PCCA: variants seen among roughly 807,000 people sequenced by gnomAD.
PCCA encodes the protein propionyl-CoA carboxylase alpha chain, mitochondrial.
In PCCA, 74 loss-of-function variants were observed where a neutral mutation model predicts 101.3. The ratio of observed to expected loss-of-function variants is 0.73; its 90% CI spans 0.61 to 0.89. PCCA has a LOEUF of 0.89. Among genes scored for constraint, PCCA ranks in the 40% least tolerant of loss-of-function variants. The pLI, the probability that PCCA is intolerant of heterozygous loss-of-function variation, is 0.00. For missense variants in PCCA, 891 were observed against 907.0 expected (o/e 0.98, Z 0.23); for synonymous variants, 294 against 313.6 (o/e 0.94, Z 0.66).
chr13:100,173,206 T>A (rs1490726474), intron 6 of PCCA, among the ~76,000 whole-genome samples: 1 of 152,076 alleles, frequency 6.6e-6, no homozygotes, highest in East Asian at 1.9e-4. Context: ...AGAAAGAGAA[T>A]AGTGGAAGCA....
At chr13:100,358,309 C>T (rs1404349047) in intron 18 of PCCA, among the ~76,000 whole-genome samples, 3 of 152,126 alleles carry the variant, frequency 2.0e-5, no homozygotes, top group Admixed American at 1.3e-4. Flanking sequence ...ACAACATCTC[C>T]ACAATACAGT....
chr13:100,515,492 T>C lies in PCCA; in HGVS notation c.1965T>C (p.Thr655=). ...ACAAATTTATGCTGGAAAAAGTGAC[T>C]GAGGACACAAGCAGTGTTCTGCGTT... The part of the protein sequence containing the change: ...ELNKFMLEKV[T]EDTSSVLRSP... Residue 655 remains threonine, a synonymous_variant, in exon 22 of 24, where the codon ACT becomes ACC. Coordinates refer to ENST00000376285, the MANE Select transcript of PCCA (RefSeq NM_000282.4). 1 of 1,614,152 alleles carries C rather than the reference T, an allele frequency of 6.2e-7. No homozygotes were observed. The highest frequency in any genetic ancestry group is 8.5e-7 in the Non-Finnish European group (1 of 1,179,984).
chr13:100,200,880 A>G (rs1424041683), intron 6 of PCCA, among the ~76,000 whole-genome samples: 1 of 152,082 alleles, frequency 6.6e-6, no homozygotes, highest in Non-Finnish European at 1.5e-5. Flanking sequence ...GTTCATAGCA[A>G]TATTTTCCAT....
intron 7 of PCCA, among the ~76,000 whole-genome samples, chr13:100,230,605 G>A (rs1020171275): frequency 6.6e-6 from 1 of 151,556 alleles, no homozygotes; most frequent in Non-Finnish European, 1.5e-5. Context: ...CTGGACTCTG[G>A]GAGGAAATGG....
intron 23 of PCCA, among the ~76,000 whole-genome samples, chr13:100,528,997 G>T (rs2088128583): frequency 1.3e-5 from 2 of 152,112 alleles, no homozygotes; most frequent in South Asian, 4.2e-4. Context: ...TTCCCTGAAG[G>T]GGCATGGTGC....
chr13:100,123,812 T>C (rs1249059682), intron 4 of PCCA, among the ~76,000 whole-genome samples: 4 of 152,176 alleles, frequency 2.6e-5, no homozygotes, highest in Non-Finnish European at 5.9e-5. Context: ...GGGAGGATTT[T>C]TGAGTTGTTA....
chr13:100,273,312 A>T lies in PCCA; in HGVS notation c.1031A>T (p.Asn344Ile). The T allele has an allele frequency of 1.9e-6, 3 of 1,613,242 alleles. No individual in the cohort carries two copies. The highest frequency in any genetic ancestry group is 2.5e-6 in the Non-Finnish European group (3 of 1,179,204). Residue 344 changes from asparagine (N) to isoleucine (I), a missense_variant, in exon 12 of 24, where the codon AAT becomes ATT. Coordinates refer to ENST00000376285, the MANE Select transcript of PCCA (RefSeq NM_000282.4). ...GAGTTCCTTGTGGACTCTAAGAAGA[A>T]TTTTTATTTCTTGGAAATGAATACA... ...TVEFLVDSKK[N>I]FYFLEMNTRL... is the part of the protein sequence containing the mutation.
chr13:100,243,176 G>A (rs1458153495), intron 8 of PCCA, among the ~76,000 whole-genome samples: 3 of 152,190 alleles, frequency 2.0e-5, no homozygotes, highest in Non-Finnish European at 2.9e-5. Context: ...GATTACAAGT[G>A]TAAGCCACCA....
chr13:100,294,141 G>C (rs149038460), intron 12 of PCCA, among the ~76,000 whole-genome samples: 1 of 152,170 alleles, frequency 6.6e-6, no homozygotes, highest in African/African-American at 2.4e-5. Context: ...TCCACTCCCT[G>C]TGTCTTCCTG....
Position 100,283,271 on chromosome 13 carries a change from GA to G in PCCA, c.1065+9928del, listed in dbSNP as rs113710180. 4.3e-3 allele frequency among the ~76,000 whole-genome samples: 661 copies of G among 152,290 alleles called. 10 individuals are homozygous for G. The highest frequency in any genetic ancestry group is 0.015 in the African/African-American group (636 of 41,556). On this transcript the variant is annotated intron_variant, in intron 12 of 23. Transcript: ENST00000376285. ...AGTAAATGATAGAATGACAGCCGAA[GA>G]AAGGGACAAATTCCCTACCGGTCAG...
chr13:100,456,997 T>C (rs7336935), intron 21 of PCCA, among the ~76,000 whole-genome samples: 15,611 of 151,868 alleles, frequency 0.1, 1,349 homozygotes, highest in African/African-American at 0.23. Flanking sequence ...ACACTGGCAT[T>C]ACCGCTTGAC....
intron 9 of PCCA, among the ~76,000 whole-genome samples, chr13:100,259,329 G>GTTTTT (rs5806157): frequency 1.2e-4 from 8 of 65,340 alleles, no homozygotes; most frequent in Admixed American, 2.3e-4. Flanking sequence ...AAATGTAATG[G>GTTTTT]TTTTTTTTTT....
At chr13:100,268,458 A>G in intron 10 of PCCA, 2 of 579,640 alleles carry the variant, frequency 3.5e-6, no homozygotes, top group Non-Finnish European at 6.2e-6. Flanking sequence ...TTGAAAGGTG[A>G]TATGAACACT....
intron 21 of PCCA, among the ~76,000 whole-genome samples, chr13:100,494,424 C>T (rs2085124886): frequency 6.6e-6 from 1 of 152,138 alleles, no homozygotes; most frequent in Non-Finnish European, 1.5e-5. Flanking sequence ...TGGCTCACGC[C>T]TGTAATCCCA....
At chr13:100,525,041 G>A (rs892259940) in intron 22 of PCCA, among the ~76,000 whole-genome samples, 10 of 145,070 alleles carry the variant, frequency 6.9e-5, no homozygotes, top group African/African-American at 1.0e-4. Flanking sequence ...AGACAGACAG[G>A]CAGATAAGAT....
intron 16 of PCCA, among the ~76,000 whole-genome samples, chr13:100,319,920 A>G (rs922947031): frequency 3.9e-5 from 6 of 152,218 alleles, no homozygotes; most frequent in Non-Finnish European, 8.8e-5. Context: ...TACCTTGGGC[A>G]GTATGGCCAT....
chr13:100,112,128 A>G (rs1225226487), intron 4 of PCCA, 67 bp downstream of exon 4: 2 of 1,130,486 alleles, frequency 1.8e-6, no homozygotes, highest in African/African-American at 1.5e-5. Flanking sequence ...AGTGAGACAT[A>G]CAGGCTTTTT....
rs1162115583 is a variant in PCCA at position 100,370,184 on chromosome 13, A to T, written c.1746+1610A>T. 2.1e-5 allele frequency among the ~76,000 whole-genome samples: 3 copies of T among 144,244 alleles called. No individual in the cohort carries two copies. In the Admixed American group the frequency reaches 2.2e-4, roughly 11 times the overall value. 94.6% of individuals were successfully genotyped at this position (144,244 alleles called of 152,430 possible). A position where few individuals can be genotyped will look rare whatever the true frequency, so the allele number is the denominator to read the frequency against. On this transcript the variant is annotated intron_variant, in intron 19 of 23. Coordinates refer to ENST00000376285, the MANE Select transcript of PCCA (RefSeq NM_000282.4). ...CTGCAGCCTCTTCCTCCCAGGTTCA[A>T]GTGATTTCTCCTGCCTCAGCCTCCC... is the stretch of plus-strand genomic sequence containing the variant.
chr13:100,331,642 TGAA>T (rs1407658331), intron 17 of PCCA, among the ~76,000 whole-genome samples: 4 of 152,160 alleles, frequency 2.6e-5, no homozygotes, highest in African/African-American at 9.7e-5. Context: ...TTAAGGCAAA[TGAA>T]GAATGGCTCT....
Sources: gnomAD v4.1 joint callset for allele counts (sites outside exome capture counted in the v4.1 genomes callset) on GRCh38, gnomAD v4.1.1 for gene constraint, MANE v1.5 for transcripts, NCBI Gene and HGNC (gene_info 2026-07-23, HGNC 2026-07-21) for gene names.